The following GLIS3 variants were observed in gnomAD, a reference collection of about 807,000 sequenced individuals.
The protein encoded by GLIS3 is GLIS family zinc finger 3, also known as zinc finger protein GLIS3.
In GLIS3, 53 loss-of-function variants were observed where a neutral mutation model predicts 78.6. The ratio of observed to expected loss-of-function variants is 0.67; its 90% CI spans 0.54 to 0.85. The LOEUF (loss-of-function observed/expected upper bound fraction) is 0.85. Among genes scored for constraint, GLIS3 ranks in the 40% least tolerant of loss-of-function variants. The pLI is 0.00. For synonymous variants in GLIS3, 684 were observed against 509.9 expected, an observed-to-expected ratio of 1.34 and a Z score of -4.60; for missense variants, 1,703 against 1,231.1, an observed-to-expected ratio of 1.38 and a Z score of -5.74.
chr9:4,436,804 G>T, the GLIS3 span, among the ~76,000 whole-genome samples: 1 of 84,702 alleles, frequency 1.2e-5, no homozygotes, highest in African/African-American at 5.4e-5. Context: ...GAGTGAGACT[G>T]CATCTCAAAA....
At position 4,111,656 on chromosome 9, in the gene GLIS3, G is replaced by T. The variant is rs546481920; in HGVS notation, c.1710+6112C>A. 2.0e-5 allele frequency among the ~76,000 whole-genome samples: 3 copies of T among 152,304 alleles called. No homozygotes were observed. The East Asian group carries it at 5.8e-4, about 29-fold the overall frequency. ...TTGTAATTTATGGTGACATATATGTGTCTACACTATGTTGAACATGTGCTT... is the reference window on the plus strand; with the variant it reads ...TTGTAATTTATGGTGACATATATGTTTCTACACTATGTTGAACATGTGCTT... On this transcript the variant is annotated intron_variant, in intron 4 of 10. Coordinates refer to ENST00000381971, the MANE Select transcript of GLIS3 (RefSeq NM_001042413.2).
chr9:4,046,205 C>T (rs1825235474), intron 4 of GLIS3, among the ~76,000 whole-genome samples: 1 of 152,112 alleles, frequency 6.6e-6, no homozygotes, highest in Non-Finnish European at 1.5e-5. Flanking sequence ...TTGATACTCA[C>T]CTTAAGAGAG....
chr9:3,896,585 G>A lies in GLIS3; in HGVS notation c.2128+2106C>T, dbSNP rs559388835. On this transcript the variant is annotated intron_variant, in intron 7 of 10. Coordinates refer to ENST00000381971, the MANE Select transcript of GLIS3 (RefSeq NM_001042413.2). Reference sequence around the variant, plus strand: ...GGAGGCTGAGGCAGGAGAATTGCTTGAACCTGGGAGGTAGAGGTTGCAGTG... The same window carrying A: ...GGAGGCTGAGGCAGGAGAATTGCTTAAACCTGGGAGGTAGAGGTTGCAGTG... Among the ~76,000 whole-genome samples, 12 of 149,240 alleles carry A rather than the reference G, an allele frequency of 8.0e-5. No individual in the cohort carries two copies. The South Asian group carries it at 2.4e-3, about 29-fold the overall frequency.
chr9:4,023,478 A>C (rs1298285312), intron 4 of GLIS3, among the ~76,000 whole-genome samples: 3 of 152,238 alleles, frequency 2.0e-5, no homozygotes, highest in African/African-American at 4.8e-5. Flanking sequence ...CTAAACATAT[A>C]AAGATTGCCA....
intron 2 of GLIS3, among the ~76,000 whole-genome samples, chr9:4,152,907 A>G (rs1030976733): frequency 3.9e-5 from 6 of 152,214 alleles, no homozygotes; most frequent in Admixed American, 6.5e-5. Flanking sequence ...AGCAACATAT[A>G]ATAAGTATGT....
chr9:4,397,678 AAGGGAGGGAGGGAGGGAGGGAGGGAG>A, the GLIS3 span, among the ~76,000 whole-genome samples: 39 of 42,588 alleles, frequency 9.2e-4, no homozygotes, highest in Non-Finnish European at 3.0e-4. Context: ...GGGAGGGAGG[AAGGGAGGGAGGGAGGGAGGGAGGGAG>A]GAAGGCAGGG....
At chr9:4,269,347 C>G (rs1250730521) in intron 2 of GLIS3, among the ~76,000 whole-genome samples, 1 of 151,898 alleles carries the variant, frequency 6.6e-6, no homozygotes, top group Non-Finnish European at 1.5e-5. Context: ...CAGTCTTGAT[C>G]TGCGCTTAAA....
chr9:4,246,390 A>G (rs1823804206), intron 2 of GLIS3, among the ~76,000 whole-genome samples: 2 of 152,222 alleles, frequency 1.3e-5, no homozygotes, highest in Admixed American at 1.3e-4. Context: ...TGATATTCCC[A>G]AGAATGTAGA....
rs1220617600 is a variant in GLIS3 at position 4,075,350 on chromosome 9, CA to C, written c.1710+42417del. Among the ~76,000 whole-genome samples the C allele has an allele frequency of 5.4e-5, 8 of 147,394 alleles. No individual in the cohort carries two copies. In the East Asian group the frequency reaches 1.4e-3, roughly 26 times the overall value. On this transcript the variant is annotated intron_variant, in intron 4 of 10. Coordinates refer to ENST00000381971, the MANE Select transcript of GLIS3 (RefSeq NM_001042413.2). ...TTGGGAGGCTGAGGTGGGCGGATGA[CA>C]AGGTCAGGAGATAGAGACCATCCTG...
intron 4 of GLIS3, among the ~76,000 whole-genome samples, chr9:4,072,263 G>T (rs935274336): frequency 6.6e-6 from 1 of 152,074 alleles, no homozygotes; most frequent in Admixed American, 6.6e-5. Flanking sequence ...CTAAGTATAG[G>T]CTCACATACA....
chr9:4,465,473 C>T, the GLIS3 span, among the ~76,000 whole-genome samples: 29 of 152,168 alleles, frequency 1.9e-4, no homozygotes, highest in African/African-American at 6.3e-4. Context: ...CTCTTGAACC[C>T]GGAAGACAGA....
chr9:4,109,256 C>G (rs1727267031), intron 4 of GLIS3, among the ~76,000 whole-genome samples: 1 of 152,198 alleles, frequency 6.6e-6, no homozygotes, highest in African/African-American at 2.4e-5. Context: ...ATACTTCACT[C>G]TCTTTACAGA....
intron 8 of GLIS3, among the ~76,000 whole-genome samples, chr9:3,874,512 G>T (rs1821174010): frequency 6.6e-6 from 1 of 152,236 alleles, no homozygotes. Context: ...GGGGGCTGTG[G>T]AAATCCTGAT....
At chr9:4,276,435 AC>A (rs1827010605) in intron 2 of GLIS3, among the ~76,000 whole-genome samples, 6 of 4,056 alleles carry the variant, frequency 1.5e-3, no homozygotes, top group Non-Finnish European at 1.9e-3. Flanking sequence ...AGGGAAGGGG[AC>A]GGGAGGGGAG....
chr9:4,005,584 C>T (rs1462186652), intron 4 of GLIS3, among the ~76,000 whole-genome samples: 1 of 152,166 alleles, frequency 6.6e-6, no homozygotes, highest in Non-Finnish European at 1.5e-5. Context: ...ATAAGAATAG[C>T]ACCTACTGCA....
chr9:4,470,293 C>CA, the GLIS3 span, among the ~76,000 whole-genome samples: 1 of 151,454 alleles, frequency 6.6e-6, no homozygotes, highest in Non-Finnish European at 1.5e-5. Context: ...CTGGCAGAGA[C>CA]AAAAAAAAGA....
intron 6 of GLIS3, 165 bp from the exon 7 acceptor site, chr9:3,899,000 G>A (rs529580636): frequency 3.2e-4 from 266 of 828,752 alleles, no homozygotes; most frequent in Non-Finnish European, 4.5e-4. Context: ...AAAAGGATCA[G>A]TTCTCCAATC....
At chr9:4,141,955 T>G (rs939358398) in intron 2 of GLIS3, among the ~76,000 whole-genome samples, 1 of 152,234 alleles carries the variant, frequency 6.6e-6, no homozygotes, top group African/African-American at 2.4e-5. Context: ...TAAACATGAT[T>G]GGAACATGAG....
chr9:4,334,615 G>A (rs1243839841), intron 2 of GLIS3, among the ~76,000 whole-genome samples: 1 of 152,226 alleles, frequency 6.6e-6, no homozygotes, highest in Non-Finnish European at 1.5e-5. Context: ...ACGCCAAACA[G>A]CCCAACCTGG....
Sources: allele counts gnomAD v4.1 joint callset (sites outside exome capture counted in the v4.1 genomes callset), GRCh38; gene constraint gnomAD v4.1.1; transcripts MANE v1.5; gene names NCBI Gene and HGNC (gene_info 2026-07-23, HGNC 2026-07-21).